Variants in SNED1 observed in about 807,000 individuals in gnomAD.
The protein encoded by SNED1 is sushi, nidogen and EGF-like domain-containing protein 1.
Under a neutral mutation model 166.7 loss-of-function variants are expected in SNED1, and 81 were observed. The ratio of observed to expected loss-of-function variants is 0.49; its 90% CI spans 0.41 to 0.58. The LOEUF (loss-of-function observed/expected upper bound fraction) is 0.58. SNED1 is among the 20% of genes least tolerant of loss of function. The pLI is 0.00. For missense variants in SNED1, 1,604 were observed against 2,000.2 expected, an observed-to-expected ratio of 0.80 and a Z score of 3.78; for synonymous variants, 762 against 822.0, an observed-to-expected ratio of 0.93 and a Z score of 1.25.
chr2:241,041,834 AAG>A (rs1192374428), intron 8 of SNED1, among the ~76,000 whole-genome samples: 1 of 152,210 alleles, frequency 6.6e-6, no homozygotes, highest in Non-Finnish European at 1.5e-5. Flanking sequence ...CACTACAAAA[AAG>A]AGTCTCTAGT....
In SNED1 at chr2:241,077,264, C is replaced by T. The variant is rs553164555; in HGVS notation, c.3916+3900C>T. Among the ~76,000 whole-genome samples, 176 of 152,236 alleles carry T rather than the reference C, an allele frequency of 1.2e-3. 1 individual carries two copies. Among genetic ancestry groups the T allele is most frequent in the African/African-American group, 3.8e-3 (158 of 41,550 alleles). ...CCCTCGTACCATATACCTCATAACA[C>T]AAATTACCACAAATTGACCAACAAC... On this transcript the variant is annotated intron_variant, in intron 27 of 31. Transcript: ENST00000310397.
intron 11 of SNED1, 79 bp downstream of exon 11, chr2:241,049,214 G>A: frequency 1.8e-6 from 2 of 1,092,902 alleles, no homozygotes; most frequent in South Asian, 1.4e-5. Context: ...GAGGCAGGCA[G>A]AGGCCAGAGT....
intron 24 of SNED1, 62 bp downstream of exon 24, chr2:241,070,263 A>G (rs759313827): frequency 2.0e-6 from 3 of 1,504,458 alleles, no homozygotes; most frequent in Non-Finnish European, 2.7e-6. Context: ...CACCCTGTTC[A>G]GGACTGACCT....
intron 29 of SNED1, among the ~76,000 whole-genome samples, chr2:241,083,083 G>A (rs1254726510): frequency 6.6e-6 from 1 of 152,196 alleles, no homozygotes; most frequent in African/African-American, 2.4e-5. Flanking sequence ...GTGAGAGTGT[G>A]GTGTGTGGTG....
intron 1 of SNED1, among the ~76,000 whole-genome samples, chr2:241,028,165 C>G (rs1408574291): frequency 6.6e-6 from 1 of 152,098 alleles, no homozygotes; most frequent in Non-Finnish European, 1.5e-5. Context: ...TAGGAGCTCT[C>G]TCTATATTCA....
chr2:241,051,621 C>G lies in SNED1; in HGVS notation c.1736-123C>G. ...GCTTGGCCCCTGCTGCAGCCAGGCC[C>G]CAGGGCTTCGTCGAGAAGGCCCCAC... On this transcript the variant is annotated intron_variant, in intron 12 of 31. Transcript: ENST00000310397. This position sits in a 1 kb window ranked among gnomAD's most constrained non-coding sequence, Gnocchi z 4.7. 1.3e-6 allele frequency: 1 copy of G among 773,100 alleles called. No individual in the cohort carries two copies. The highest frequency in any genetic ancestry group is 2.0e-6 in the Non-Finnish European group (1 of 510,230). 47.9% of individuals were successfully genotyped at this position (773,100 alleles called of 1,614,324 possible).
chr2:241,059,220 C>T (rs775487709), intron 16 of SNED1, among the ~76,000 whole-genome samples: 1 of 152,126 alleles, frequency 6.6e-6, no homozygotes, highest in Non-Finnish European at 1.5e-5. Context: ...CATATACAGC[C>T]TTATATCTGT....
At chr2:241,005,897 T>C (rs538332867) in intron 1 of SNED1, among the ~76,000 whole-genome samples, 1 of 152,186 alleles carries the variant, frequency 6.6e-6, no homozygotes, top group East Asian at 1.9e-4. Context: ...TTTCTTCTGC[T>C]TGGTTTCATT....
chr2:241,088,372 A>C lies in SNED1; in HGVS notation c.4213A>C (p.Ser1405Arg), dbSNP rs763851930. ...SLKKTPNRKQ[S>R]KSQTLEKS Reference sequence around the variant, plus strand: ...TTTCTCTAATTATTTCAGGAAACAAAGTAAGAGTCAGACACTGGAGAAATC... The same window carrying C: ...TTTCTCTAATTATTTCAGGAAACAACGTAAGAGTCAGACACTGGAGAAATC... The change falls in exon 31 of 32, where the codon AGT becomes CGT. Residue 1405 changes from serine (S) to arginine (R), a missense_variant. Ser to Arg is a moderately radical substitution (Grantham distance 110). Around this residue, in one of 2 missense-constraint regions of SNED1, gnomAD observed 367 missense variants for 379.4 expected, o/e 0.97. Coordinates refer to ENST00000310397, the MANE Select transcript of SNED1 (RefSeq NM_001080437.3). 9.3e-6 allele frequency: 15 copies of C among 1,610,264 alleles called. No individual in the cohort carries two copies. The highest frequency in any genetic ancestry group is 1.7e-4 in the Middle Eastern group (1 of 6,058).
chr2:241,031,916 C>T (rs1042346154), intron 2 of SNED1, among the ~76,000 whole-genome samples: 12 of 152,222 alleles, frequency 7.9e-5, no homozygotes, highest in African/African-American at 2.9e-4. Flanking sequence ...TCACCTGCAC[C>T]CCATGACTGG....
intron 1 of SNED1, among the ~76,000 whole-genome samples, chr2:241,000,748 T>G (rs1178971007): frequency 6.6e-6 from 1 of 152,256 alleles, no homozygotes; most frequent in African/African-American, 2.4e-5. Context: ...TTCTGGCTGC[T>G]AACAAAACAT....
chr2:241,077,235 G>A (rs534288599), intron 27 of SNED1, among the ~76,000 whole-genome samples: 103 of 152,264 alleles, frequency 6.8e-4, no homozygotes, highest in Non-Finnish European at 1.2e-3. Flanking sequence ...GAATGAGGCC[G>A]GAGCCCTCGT....
intron 21 of SNED1, 98 bp from the exon 22 acceptor site, chr2:241,067,666 C>A (rs1553581619): frequency 1.0e-6 from 1 of 979,810 alleles, no homozygotes; most frequent in Non-Finnish European, 1.5e-6. Flanking sequence ...CTCTCTGTGG[C>A]CCCCAGCACC....
intron 4 of SNED1, 53 bp downstream of exon 4, chr2:241,034,783 G>T (rs1202431151): frequency 2.0e-5 from 29 of 1,479,034 alleles, no homozygotes; most frequent in Non-Finnish European, 2.5e-5. Context: ...GAAGGGGGTT[G>T]ATGGCAGAGG....
Position 241,011,377 on chromosome 2 carries a change from G to C in SNED1, c.213+12327G>C, listed in dbSNP as rs571060501. 2.6e-5 allele frequency among the ~76,000 whole-genome samples: 4 copies of C among 152,010 alleles called. No homozygotes were observed. The South Asian group carries it at 8.3e-4, about 32-fold the overall frequency. The stretch of plus-strand genomic sequence containing the variant: ...CCAGTGGCGCTGGGCAGGACTGCCA[G>C]GCTGGCCTCAGGCCCCAGACCCCAG... On this transcript the variant is annotated intron_variant, in intron 1 of 31. Transcript: ENST00000310397.
chr2:241,051,797 G>A lies in SNED1; in HGVS notation c.1789G>A (p.Glu597Lys). The change falls in exon 13 of 32, where the codon GAG (glutamate) becomes AAG (lysine). Residue 597 changes from glutamate to lysine, a missense_variant. Transcript: ENST00000310397. The surrounding 1 kb of genome is among the most constrained non-coding windows in gnomAD (Gnocchi z 4.7). Reference protein sequence around the residue: ...GPCRNGGTCKEAGGEYHCSCP... With the variant: ...GPCRNGGTCKKAGGEYHCSCP... ...CTGCCGGAACGGGGGCACGTGCAAG[G>A]AGGCGGGCGGCGAGTACCACTGCAG... is the stretch of plus-strand genomic sequence containing the variant. 6.4e-7 allele frequency: 1 copy of A among 1,560,692 alleles called. No individual in the cohort carries two copies. The highest frequency in any genetic ancestry group is 1.2e-5 in the South Asian group (1 of 84,308).
In SNED1 at chr2:241,071,093, G is replaced by A. The variant is rs1253055499; in HGVS notation, c.3590-483G>A. 3.9e-5 allele frequency among the ~76,000 whole-genome samples: 6 copies of A among 152,230 alleles called. No homozygotes were observed. The South Asian group carries it at 6.2e-4, about 16-fold the overall frequency. On this transcript the variant is annotated intron_variant, in intron 24 of 31. Transcript: ENST00000310397. Reference sequence around the variant, plus strand: ...AGTGAGAGGGAGAGGGAAGGGGAAGGAGGGCCCAGCCTGGGAGGCTGAAGG... The same window carrying A: ...AGTGAGAGGGAGAGGGAAGGGGAAGAAGGGCCCAGCCTGGGAGGCTGAAGG...
At chr2:241,090,621 C>G (rs900944082) in intron 31 of SNED1, among the ~76,000 whole-genome samples, 1 of 152,180 alleles carries the variant, frequency 6.6e-6, no homozygotes, top group Non-Finnish European at 1.5e-5. Context: ...TATTCTAGCA[C>G]TTTGGGAGGC....
At chr2:241,029,073 GGAA>G (rs2061076150) in intron 1 of SNED1, among the ~76,000 whole-genome samples, 1 of 152,160 alleles carries the variant, frequency 6.6e-6, no homozygotes, top group Non-Finnish European at 1.5e-5. Flanking sequence ...CACCCAAAGG[GGAA>G]GTCCAGAGGG....
Sources: allele counts gnomAD v4.1 joint callset (sites outside exome capture counted in the v4.1 genomes callset), GRCh38; gene constraint gnomAD v4.1.1; regional missense constraint gnomAD v4.1.1; non-coding constraint Gnocchi (gnomAD v3.1); transcripts MANE v1.5; gene names NCBI Gene and HGNC (gene_info 2026-07-23, HGNC 2026-07-21).